CD9: variants seen among roughly 807,000 people sequenced by gnomAD.
CD9 encodes CD9 molecule.
A neutral mutation model predicts 31.4 loss-of-function variants in CD9; 10 were observed. The observed-to-expected ratio is 0.32, with a 90% CI of 0.20 to 0.54. The LOEUF (loss-of-function observed/expected upper bound fraction) is 0.54, where lower values mean the gene tolerates loss of function less well. CD9 is among the 20% of genes least tolerant of loss of function. CD9 has a pLI of 0.94. For missense variants in CD9, 259 were observed against 300.1 expected (o/e 0.86, Z 1.01); for synonymous variants, 113 against 114.1 (o/e 0.99, Z 0.06).
intron 2 of CD9, among the ~76,000 whole-genome samples, chr12:6,228,175 G>GA (rs1946393661): frequency 6.6e-6 from 1 of 152,212 alleles, no homozygotes; most frequent in Non-Finnish European, 1.5e-5. Flanking sequence ...GCGGAGCTTT[G>GA]AAGACTTCGT....
At position 6,200,582 on chromosome 12, in the gene CD9, G is replaced by T. The variant is rs376732816; in HGVS notation, c.66+17G>T. ...ATCTTCTGGGTGAGTGAGCGCGACT[G>T]CCGCGCGCTCCTCTCAGGGCCCACC... On this transcript the variant is annotated intron_variant, in intron 1 of 7. Coordinates refer to ENST00000009180, the MANE Select transcript of CD9 (RefSeq NM_001769.4). 1.2e-4 allele frequency: 195 copies of T among 1,579,434 alleles called. No individual in the cohort carries two copies. The highest frequency in any genetic ancestry group is 1.6e-4 in the Non-Finnish European group (186 of 1,150,038).
chr12:6,200,205 G>T (rs201317601), upstream of CD9: 2 of 159,870 alleles, frequency 1.3e-5, no homozygotes, highest in Admixed American at 1.3e-4. Flanking sequence ...GCTCCGCGGG[G>T]CAGCTGGGGC....
At chr12:6,223,785 C>T (rs760186745) in intron 1 of CD9, among the ~76,000 whole-genome samples, 1 of 152,178 alleles carries the variant, frequency 6.6e-6, no homozygotes, top group Non-Finnish European at 1.5e-5. Context: ...ATGCGAGTAC[C>T]CTGCTGGGTC....
intron 1 of CD9, among the ~76,000 whole-genome samples, chr12:6,219,462 G>C (rs1268255239): frequency 6.6e-6 from 1 of 151,946 alleles, no homozygotes; most frequent in African/African-American, 2.4e-5. Context: ...TATTTACTCT[G>C]GGCAAATAAT....
chr12:6,213,283 C>T (rs1316833114), intron 1 of CD9, among the ~76,000 whole-genome samples: 1 of 152,218 alleles, frequency 6.6e-6, no homozygotes, highest in East Asian at 1.9e-4. Context: ...AACCACATCA[C>T]ACAAGATCAG....
At chr12:6,235,832 T>C (rs1013851423) in intron 6 of CD9, 7 of 1,377,110 alleles carry the variant, frequency 5.1e-6, no homozygotes, top group Non-Finnish European at 6.6e-6. Flanking sequence ...GGCGTGCTTC[T>C]GAGTCTTGGA....
In CD9 at chr12:6,232,245, G is replaced by A. The variant is rs1313146413; in HGVS notation, c.176-387G>A. On this transcript the variant is annotated intron_variant, in intron 2 of 7. Coordinates refer to ENST00000009180, the MANE Select transcript of CD9 (RefSeq NM_001769.4). This position sits in a 1 kb window ranked among gnomAD's most constrained non-coding sequence, Gnocchi z 4.8. ...CCCAGAAGTTAGCCAGAGTGTGGAA[G>A]GTATATGCTAACTAGCTTGAGTGGA... is the stretch of plus-strand genomic sequence containing the variant. 1 of 281,978 alleles carries A rather than the reference G, an allele frequency of 3.5e-6. No homozygotes were observed. Among genetic ancestry groups the A allele is most frequent in the Non-Finnish European group, 6.9e-6 (1 of 145,306 alleles). 17.5% of individuals were successfully genotyped at this position (281,978 alleles called of 1,614,324 possible).
chr12:6,214,811 C>T (rs952804180), intron 1 of CD9, among the ~76,000 whole-genome samples: 16 of 152,098 alleles, frequency 1.1e-4, no homozygotes, highest in African/African-American at 3.6e-4. Context: ...TTGTGGGAGC[C>T]TCTCACGGGC....
chr12:6,209,061 C>G (rs577962440), intron 1 of CD9, among the ~76,000 whole-genome samples: 24 of 150,960 alleles, frequency 1.6e-4, no homozygotes, highest in Non-Finnish European at 3.2e-4. Flanking sequence ...CTCTGCCTCC[C>G]AGGTTCAAGT....
At chr12:6,225,971 T>C (rs1946360477) in intron 2 of CD9, among the ~76,000 whole-genome samples, 1 of 152,196 alleles carries the variant, frequency 6.6e-6, no homozygotes, top group South Asian at 2.1e-4. Flanking sequence ...AGATAGGGAC[T>C]CTGAGACTGG....
In CD9 at chr12:6,232,899, C is replaced by T. The variant is rs76556270; in HGVS notation, c.273+170C>T. 1.4e-3 allele frequency: 950 copies of T among 703,632 alleles called. 18 individuals carry two copies. In the East Asian group the frequency reaches 0.023, roughly 17 times the overall value. The allele number at this position is 703,632 out of a possible 1,614,324, so 43.6% of individuals were successfully genotyped here. On this transcript the variant is annotated intron_variant, in intron 3 of 7. Coordinates refer to ENST00000009180, the MANE Select transcript of CD9 (RefSeq NM_001769.4). The surrounding 1 kb of genome is among the most constrained non-coding windows in gnomAD (Gnocchi z 4.8). ...CCCTCCCCGATGTGAGGCGTCGCCC[C>T]TCTTCCTTTCTGGAGCCTGTCTTAT... is the stretch of plus-strand genomic sequence containing the variant.
At chr12:6,217,260 C>T (rs1014973143) in intron 1 of CD9, among the ~76,000 whole-genome samples, 1 of 152,078 alleles carries the variant, frequency 6.6e-6, no homozygotes, top group African/African-American at 2.4e-5. Flanking sequence ...CCATGGCTCA[C>T]ACCTGTAATC....
At chr12:6,217,088 G>C (rs1309352391) in intron 1 of CD9, among the ~76,000 whole-genome samples, 1 of 152,114 alleles carries the variant, frequency 6.6e-6, no homozygotes, top group Non-Finnish European at 1.5e-5. Flanking sequence ...TAGTGTCAGA[G>C]AGCTCCTAGG....
intron 1 of CD9, among the ~76,000 whole-genome samples, chr12:6,207,016 A>G (rs962399849): frequency 5.3e-5 from 8 of 151,952 alleles, no homozygotes; most frequent in African/African-American, 1.7e-4. Flanking sequence ...CAGCCTCTCA[A>G]GTAGCTGGGA....
At chr12:6,225,575 C>G (rs1179391788) in intron 2 of CD9, 41 bp downstream of exon 2, 2 of 1,335,514 alleles carry the variant, frequency 1.5e-6, no homozygotes, top group Non-Finnish European at 1.1e-6. Flanking sequence ...GACCCTGGCT[C>G]CAACAAAGTT....
chr12:6,225,638 CTT>C lies in CD9; in HGVS notation c.175+107_175+108del, dbSNP rs967755229. The C allele has an allele frequency of 1.1e-5, 8 of 716,674 alleles. No individual in the cohort carries two copies. In the African/African-American group the frequency reaches 1.4e-4, roughly 13 times the overall value. 44.4% of individuals were successfully genotyped at this position (716,674 alleles called of 1,614,324 possible). ...CCCAGGGACTTGGGCTTGGGAAAGA[CTT>C]TTGCTCTAGCCACGCTGGCCAGTCG... On this transcript the variant is annotated intron_variant, in intron 2 of 7. Transcript: ENST00000009180.
intron 2 of CD9, among the ~76,000 whole-genome samples, chr12:6,230,859 G>T (rs1004648592): frequency 7.9e-5 from 12 of 152,256 alleles, no homozygotes; most frequent in African/African-American, 2.9e-4. Flanking sequence ...CATGGGGTTT[G>T]CCAGTAACCC....
intron 1 of CD9, among the ~76,000 whole-genome samples, chr12:6,223,362 C>T (rs1403398860): frequency 2.6e-5 from 4 of 151,918 alleles, no homozygotes; most frequent in South Asian, 2.1e-4. Flanking sequence ...CCCGGGCTCA[C>T]GCCATTCTCC....
In CD9 at chr12:6,232,414, G is replaced by A. The variant is rs1946457799; in HGVS notation, c.176-218G>A. On this transcript the variant is annotated intron_variant, in intron 2 of 7. Coordinates refer to ENST00000009180, the MANE Select transcript of CD9 (RefSeq NM_001769.4). The surrounding 1 kb of genome is among the most constrained non-coding windows in gnomAD (Gnocchi z 4.8). ...GGTAAGGTAGGAGCGTGAGCTTGATGAAGCAGAGTCATGCAAGAGAGGCTG... is the reference window on the plus strand; with the variant it reads ...GGTAAGGTAGGAGCGTGAGCTTGATAAAGCAGAGTCATGCAAGAGAGGCTG... 1.7e-6 allele frequency: 1 copy of A among 604,636 alleles called. No individual in the cohort carries two copies. The allele number at this position is 604,636 out of a possible 1,614,324, so 37.5% of individuals were successfully genotyped here.
Sources: allele counts gnomAD v4.1 joint callset (sites outside exome capture counted in the v4.1 genomes callset), GRCh38; gene constraint gnomAD v4.1.1; non-coding constraint Gnocchi (gnomAD v3.1); transcripts MANE v1.5; gene names NCBI Gene and HGNC (gene_info 2026-07-23, HGNC 2026-07-21).